The following KCNMA1 variants were observed in gnomAD, a reference collection of about 807,000 sequenced individuals.
The protein encoded by KCNMA1 is potassium calcium-activated channel subfamily M alpha 1.
A neutral mutation model predicts 140.0 loss-of-function variants in KCNMA1; 29 were observed. The ratio of observed to expected loss-of-function variants is 0.21; its 90% CI spans 0.15 to 0.28. The LOEUF is 0.28. KCNMA1 is among the 10% of genes least tolerant of loss of function. KCNMA1 has a pLI of 1.00. For synonymous variants in KCNMA1, 612 were observed against 611.9 expected, an observed-to-expected ratio of 1.00 and a Z score of 0.00; for missense variants, 880 against 1,602.2, an observed-to-expected ratio of 0.55 and a Z score of 7.70.
At chr10:77,136,872 C>T (rs187490660) in intron 5 of KCNMA1, among the ~76,000 whole-genome samples, 6 of 152,212 alleles carry the variant, frequency 3.9e-5, no homozygotes, top group African/African-American at 1.4e-4. Flanking sequence ...TTCCTGGCTC[C>T]GAGCCCTGTA....
At chr10:77,400,676 G>A (rs1011154783) in intron 2 of KCNMA1, among the ~76,000 whole-genome samples, 44 of 152,164 alleles carry the variant, frequency 2.9e-4, no homozygotes, top group African/African-American at 1.0e-3. Flanking sequence ...TTTCTCAACT[G>A]TAAAACAGAG....
chr10:77,238,711 G>A (rs1191721977), intron 3 of KCNMA1, among the ~76,000 whole-genome samples: 3 of 152,216 alleles, frequency 2.0e-5, no homozygotes, highest in South Asian at 4.1e-4. Flanking sequence ...CGGGTTTGAA[G>A]ATGGCCCTCT....
At chr10:77,312,979 C>T (rs550425169) in intron 2 of KCNMA1, among the ~76,000 whole-genome samples, 1 of 152,312 alleles carries the variant, frequency 6.6e-6, no homozygotes, top group East Asian at 1.9e-4. Context: ...CACACGGCCA[C>T]TCTCACAACC....
intron 7 of KCNMA1, among the ~76,000 whole-genome samples, chr10:77,111,496 AAGAATT>A (rs2097322878): frequency 6.6e-6 from 1 of 152,162 alleles, no homozygotes; most frequent in Non-Finnish European, 1.5e-5. Context: ...TGGTTACAGC[AAGAATT>A]AGGGTGATTA....
intron 2 of KCNMA1, among the ~76,000 whole-genome samples, chr10:77,324,965 C>G (rs377327461): frequency 0.12 from 12,893 of 104,268 alleles, 610 homozygotes; most frequent in Middle Eastern, 0.18. Context: ...CTCTCTCTCT[C>G]TCTCTCTGTG....
intron 24 of KCNMA1, chr10:76,912,668 C>T (rs2050848245): frequency 1.3e-5 from 2 of 152,150 alleles, no homozygotes; most frequent in Non-Finnish European, 1.5e-5. Context: ...GGGCACCAAG[C>T]TTTTCCTTTT....
chr10:77,213,119 A>C (rs1268997452), intron 3 of KCNMA1, among the ~76,000 whole-genome samples: 2 of 152,156 alleles, frequency 1.3e-5, no homozygotes, highest in Non-Finnish European at 2.9e-5. Flanking sequence ...ACATAATTAG[A>C]ATGTGCAATA....
intron 5 of KCNMA1, among the ~76,000 whole-genome samples, chr10:77,143,105 G>A (rs919180728): frequency 2.6e-5 from 4 of 151,960 alleles, no homozygotes; most frequent in African/African-American, 9.6e-5. Context: ...AACCTAATAA[G>A]AGTATTATGA....
At chr10:76,941,817 ATATT>A (rs1405487450) in intron 23 of KCNMA1, among the ~76,000 whole-genome samples, 1 of 152,136 alleles carries the variant, frequency 6.6e-6, no homozygotes, top group Non-Finnish European at 1.5e-5. Context: ...TAGACAACAG[ATATT>A]TATTTCCCAC....
At chr10:77,151,268 C>T (rs1249890140) in intron 5 of KCNMA1, among the ~76,000 whole-genome samples, 4 of 151,542 alleles carry the variant, frequency 2.6e-5, no homozygotes, top group Non-Finnish European at 5.9e-5. Flanking sequence ...TGCTCTGTCA[C>T]CAGGTGGGAG....
intron 2 of KCNMA1, among the ~76,000 whole-genome samples, chr10:77,289,454 T>C (rs2072361979): frequency 6.6e-6 from 1 of 152,174 alleles, no homozygotes; most frequent in African/African-American, 2.4e-5. Flanking sequence ...CAGCGGAAGT[T>C]ACCAAGGGCC....
At chr10:77,437,744 G>A (rs2097294639) in intron 1 of KCNMA1, among the ~76,000 whole-genome samples, 1 of 152,226 alleles carries the variant, frequency 6.6e-6, no homozygotes, top group Non-Finnish European at 1.5e-5. Context: ...TACAGAGGCA[G>A]GAGGCCTGCA....
Position 77,171,400 on chromosome 10 carries a change from C to CGTGTGTGTGTGT in KCNMA1, c.808+12009_808+12020dup, listed in dbSNP as rs60927086. On this transcript the variant is annotated intron_variant, in intron 5 of 27. Coordinates refer to ENST00000286628, the MANE Select transcript of KCNMA1 (RefSeq NM_001161352.2). ...AAGTACGTGTGCGTGTGTGTGTGTG[C>CGTGTGTGTGTGT]GTGTGTGTGTGTGTGTGTGTGTGTG... is the stretch of plus-strand genomic sequence containing the variant. 9.5e-3 allele frequency among the ~76,000 whole-genome samples: 1,229 copies of CGTGTGTGTGTGT among 128,976 alleles called. 12 individuals are homozygous for CGTGTGTGTGTGT. The highest frequency in any genetic ancestry group is 0.02 in the Middle Eastern group (5 of 250). The allele number at this position is 128,976 out of a possible 152,430, so 84.6% of individuals were successfully genotyped here. A position where few individuals can be genotyped will look rare whatever the true frequency, so the allele number is the denominator to read the frequency against.
At chr10:77,027,984 A>T (rs887737259) in intron 15 of KCNMA1, 93 bp from the exon 16 acceptor site, 21 of 1,129,194 alleles carry the variant, frequency 1.9e-5, no homozygotes, top group African/African-American at 3.0e-5. Context: ...CTCCTAATGC[A>T]GTCATTACCG....
At chr10:77,394,956 T>C (rs1051275502) in intron 2 of KCNMA1, among the ~76,000 whole-genome samples, 13 of 152,232 alleles carry the variant, frequency 8.5e-5, no homozygotes, top group Non-Finnish European at 1.9e-4. Context: ...TGAGTGAGCA[T>C]GGCTGTATTC....
At chr10:76,871,700 C>T (rs2031374449) in exon 28 of KCNMA1, 1 of 152,174 alleles carries the variant, frequency 6.6e-6, no homozygotes. Flanking sequence ...GCCAGATAAT[C>T]CTGCCTTCAT....
intron 3 of KCNMA1, among the ~76,000 whole-genome samples, chr10:77,235,824 T>G (rs1185002563): frequency 6.6e-6 from 1 of 152,208 alleles, no homozygotes; most frequent in African/African-American, 2.4e-5. Flanking sequence ...CTTCACTGAC[T>G]ATTTTTGTAA....
intron 5 of KCNMA1, among the ~76,000 whole-genome samples, chr10:77,157,917 C>T (rs935055683): frequency 2.6e-5 from 4 of 152,174 alleles, no homozygotes; most frequent in East Asian, 3.9e-4. Flanking sequence ...TCCTCCTTAG[C>T]GATGGGCTGC....
At chr10:77,130,733 C>T (rs2097843003) in intron 5 of KCNMA1, among the ~76,000 whole-genome samples, 1 of 152,056 alleles carries the variant, frequency 6.6e-6, no homozygotes, top group Non-Finnish European at 1.5e-5. Flanking sequence ...GAGATTACAA[C>T]ACAGAACAGA....
Sources: allele counts gnomAD v4.1 joint callset (sites outside exome capture counted in the v4.1 genomes callset), GRCh38; gene constraint gnomAD v4.1.1; transcripts MANE v1.5; gene names NCBI Gene and HGNC (gene_info 2026-07-23, HGNC 2026-07-21).